The following LRIF1 variants were observed in gnomAD, a reference collection of about 807,000 sequenced individuals.
The protein encoded by LRIF1 is ligand dependent nuclear receptor interacting factor 1, also known as ligand-dependent nuclear receptor-interacting factor 1.
LRIF1 carries 32 observed loss-of-function variants against 52.7 expected under a neutral mutation model. The observed-to-expected ratio is 0.61, with a 90% confidence interval of 0.46 to 0.82. LRIF1 has a LOEUF of 0.82. Ranked by LOEUF, LRIF1 falls within the 40% of genes least tolerant of loss-of-function variation. The pLI, the probability that LRIF1 is intolerant of heterozygous loss-of-function variation, is 0.00. For synonymous variants in LRIF1, 323 were observed against 317.4 expected (o/e 1.02, Z -0.19); for missense variants, 887 against 892.0 (o/e 0.99, Z 0.07).
At chr1:110,904,877 CAA>C in the LRIF1 span, among the ~76,000 whole-genome samples, 1 of 152,078 alleles carries the variant, frequency 6.6e-6, no homozygotes, top group Non-Finnish European at 1.5e-5. Flanking sequence ...TCAGGAAACA[CAA>C]ATTCAGGGTA....
chr1:110,917,739 G>C, the LRIF1 span, among the ~76,000 whole-genome samples: 1 of 150,878 alleles, frequency 6.6e-6, no homozygotes, highest in African/African-American at 2.4e-5. Flanking sequence ...ATGTGCTATG[G>C]AAAAAAATTA....
At chr1:110,881,130 G>T in the LRIF1 span, among the ~76,000 whole-genome samples, 1 of 152,106 alleles carries the variant, frequency 6.6e-6, no homozygotes, top group South Asian at 2.1e-4. Flanking sequence ...TGACGTAAGT[G>T]TACATGCATA....
chr1:110,947,833 C>T lies in LRIF1; in HGVS notation c.*126G>A, dbSNP rs141022350. 3.1e-4 allele frequency: 398 copies of T among 1,302,782 alleles called. 1 individual carries two copies. In the African/African-American group the frequency reaches 4.9e-3, roughly 16 times the overall value. The allele number at this position is 1,302,782 out of a possible 1,614,324, so 80.7% of individuals were successfully genotyped here. Reference sequence around the variant, plus strand: ...CTTTTCTGTATTCCTTAAAGTTGTACAATCGACTGATGAAAAAACAAGCTT... The same window carrying T: ...CTTTTCTGTATTCCTTAAAGTTGTATAATCGACTGATGAAAAAACAAGCTT... On this transcript the variant is annotated 3_prime_UTR_variant, in exon 4 of 4. Transcript: ENST00000369763.
the LRIF1 span, among the ~76,000 whole-genome samples, chr1:110,921,317 T>A: frequency 1.3e-5 from 2 of 151,898 alleles, no homozygotes; most frequent in Non-Finnish European, 2.9e-5. Context: ...AAAAATGAAA[T>A]GATTAAAAAG....
At chr1:110,915,716 C>T in the LRIF1 span, among the ~76,000 whole-genome samples, 25 of 152,204 alleles carry the variant, frequency 1.6e-4, no homozygotes, top group Middle Eastern at 6.8e-3. Context: ...CATTCTTGAT[C>T]CGGGTGTTAT....
At chr1:110,923,277 G>A in the LRIF1 span, among the ~76,000 whole-genome samples, 65 of 152,236 alleles carry the variant, frequency 4.3e-4, no homozygotes, top group African/African-American at 1.5e-3. Context: ...TCCAGCCTGC[G>A]AGACAGAGCA....
At chr1:110,919,695 C>T in the LRIF1 span, among the ~76,000 whole-genome samples, 1 of 152,094 alleles carries the variant, frequency 6.6e-6, no homozygotes, top group South Asian at 2.1e-4. Flanking sequence ...AAAATAACTG[C>T]CAAATTAGAA....
the LRIF1 span, chr1:110,892,751 C>T: frequency 2.1e-6 from 1 of 479,700 alleles, no homozygotes; most frequent in Non-Finnish European, 3.7e-6. Flanking sequence ...CCCCTTGTAG[C>T]CATTTTTATA....
the LRIF1 span, chr1:110,897,872 AT>A: frequency 1.2e-6 from 2 of 1,609,188 alleles, no homozygotes; most frequent in Non-Finnish European, 1.7e-6. Flanking sequence ...AATCATCACC[AT>A]CTGTGTATGT....
chr1:110,913,459 A>G, the LRIF1 span, among the ~76,000 whole-genome samples: 1 of 152,244 alleles, frequency 6.6e-6, no homozygotes, highest in African/African-American at 2.4e-5. Flanking sequence ...ATTAACAAGG[A>G]GAAAACAACC....
intron 1 of LRIF1, among the ~76,000 whole-genome samples, chr1:110,953,528 C>A (rs1658568942): frequency 6.6e-6 from 1 of 152,148 alleles, no homozygotes; most frequent in African/African-American, 2.4e-5. Context: ...GGTTTTCAAT[C>A]AATGTGGAAC....
chr1:110,895,955 A>G, the LRIF1 span, among the ~76,000 whole-genome samples: 22 of 152,310 alleles, frequency 1.4e-4, no homozygotes, highest in African/African-American at 3.8e-4. Context: ...TAATACCACT[A>G]ATAAAGTCTA....
chr1:110,951,652 A>G lies in LRIF1; in HGVS notation c.1232T>C (p.Val411Ala), dbSNP rs1658482919. The G allele has an allele frequency of 6.2e-7, 1 of 1,613,578 alleles. No individual in the cohort carries two copies. The highest frequency in any genetic ancestry group is 1.3e-5 in the African/African-American group (1 of 74,768). The stretch of plus-strand genomic sequence containing the variant: ...ACTTTTAGCCAAAACAATATTTACA[A>G]CCTCTCTGGATATTTCTGTGACTGG... The part of the protein sequence containing the change: ...SSPVTEISRE[V>A]VNIVLAKSKS... Residue 411 changes from valine to alanine, a missense_variant, in exon 2 of 4, where the codon GTT becomes GCT. Coordinates refer to ENST00000369763, the MANE Select transcript of LRIF1 (RefSeq NM_018372.4).
the LRIF1 span, chr1:110,938,679 A>C: frequency 6.6e-6 from 1 of 152,236 alleles, no homozygotes; most frequent in Non-Finnish European, 1.5e-5. Flanking sequence ...CACCACTGTT[A>C]TTCAGCATAG....
At chr1:110,892,763 T>C in the LRIF1 span, 1 of 465,976 alleles carries the variant, frequency 2.1e-6, no homozygotes, top group South Asian at 3.9e-5. Flanking sequence ...ATTTTTATAT[T>C]GCTAATAATG....
the LRIF1 span, among the ~76,000 whole-genome samples, chr1:110,935,867 T>C: frequency 1.3e-5 from 2 of 151,846 alleles, 1 homozygote; most frequent in Admixed American, 1.3e-4. Flanking sequence ...AATGAGCAGA[T>C]TTACTCCAAA....
chr1:110,879,300 C>G, the LRIF1 span, among the ~76,000 whole-genome samples: 1 of 152,142 alleles, frequency 6.6e-6, no homozygotes, highest in African/African-American at 2.4e-5. Flanking sequence ...ATTAATAACC[C>G]TATTTCAAAG....
chr1:110,897,398 G>A, the LRIF1 span, among the ~76,000 whole-genome samples: 1,624 of 152,334 alleles, frequency 0.011, 15 homozygotes, highest in South Asian at 0.035. Context: ...AACTGCCCTG[G>A]CACTTGGTAG....
At chr1:110,936,266 A>T in the LRIF1 span, 2 of 152,182 alleles carry the variant, frequency 1.3e-5, no homozygotes, top group Non-Finnish European at 2.9e-5. Flanking sequence ...GGTACAAAAC[A>T]CACTGGTAAT....
Sources: gnomAD v4.1 joint callset for allele counts (sites outside exome capture counted in the v4.1 genomes callset) on GRCh38, gnomAD v4.1.1 for gene constraint, MANE v1.5 for transcripts, NCBI Gene and HGNC (gene_info 2026-07-23, HGNC 2026-07-21) for gene names.